The following MLXIP variants were observed in gnomAD, a reference collection of about 807,000 sequenced individuals.
MLXIP encodes MLX interacting protein, also known as MLX-interacting protein.
Under a neutral mutation model 87.2 loss-of-function variants are expected in MLXIP, and 30 were observed. The ratio of observed to expected loss-of-function variants is 0.34; its 90% CI spans 0.26 to 0.47. The LOEUF is 0.47. Ranked by LOEUF, MLXIP falls within the 20% of genes least tolerant of loss-of-function variation. MLXIP has a pLI of 1.00. For synonymous variants in MLXIP, 530 were observed against 514.0 expected (o/e 1.03, Z -0.42); for missense variants, 1,002 against 1,240.1 (o/e 0.81, Z 2.88).
At position 122,130,495 on chromosome 12, in the gene MLXIP, C is replaced by T. The variant is rs375606928; in HGVS notation, c.911-349C>T. Among the ~76,000 whole-genome samples the T allele has an allele frequency of 1.3e-4, 19 of 151,396 alleles. No individual in the cohort carries two copies. In the East Asian group the frequency reaches 2.9e-3, roughly 23 times the overall value. ...AATCAGAAGCACTCCCGGGTGTGAC[C>T]GCTCACCTTGGTGGCATTCAGTCTT... On this transcript the variant is annotated intron_variant, in intron 6 of 16. Transcript: ENST00000319080.
chr12:122,126,257 C>T (rs1952879315), intron 1 of MLXIP, among the ~76,000 whole-genome samples: 1 of 152,202 alleles, frequency 6.6e-6, no homozygotes, highest in Non-Finnish European at 1.5e-5. Flanking sequence ...AATTGAGCCC[C>T]TACTATGTGC....
Position 122,084,607 on chromosome 12 carries a change from C to T in MLXIP, c.413+5341C>T, listed in dbSNP as rs542581095. Among the ~76,000 whole-genome samples, 4 of 152,202 alleles carry T rather than the reference C, an allele frequency of 2.6e-5. No homozygotes were observed. The East Asian group carries it at 5.8e-4, about 22-fold the overall frequency. On this transcript the variant is annotated intron_variant, in intron 1 of 16. Coordinates refer to ENST00000319080, the MANE Select transcript of MLXIP (RefSeq NM_014938.6). ...TGTCACCCAGGCTGGAGTGCAGTGGCGTGATCTTGGCTCACTGCAACCTCT... is the reference window on the plus strand; with the variant it reads ...TGTCACCCAGGCTGGAGTGCAGTGGTGTGATCTTGGCTCACTGCAACCTCT...
chr12:122,135,924 C>T lies in MLXIP; in HGVS notation c.2032+258C>T. On this transcript the variant is annotated intron_variant, in intron 11 of 16. Transcript: ENST00000319080. This position sits in a 1 kb window ranked among gnomAD's most constrained non-coding sequence, Gnocchi z 5.3. Reference sequence around the variant, plus strand: ...GACCCGTGTGCTCGGGGAGTCCCTGCTGACTGCCCACGAAGGCCTGGTACT... The same window carrying T: ...GACCCGTGTGCTCGGGGAGTCCCTGTTGACTGCCCACGAAGGCCTGGTACT... The T allele has an allele frequency of 2.2e-6, 1 of 450,164 alleles. No homozygotes were observed. Among genetic ancestry groups the T allele is most frequent in the Non-Finnish European group, 3.9e-6 (1 of 255,322 alleles). The allele number at this position is 450,164 out of a possible 1,614,324, so 27.9% of individuals were successfully genotyped here.
Position 122,125,791 on chromosome 12 carries a change from G to C in MLXIP, c.414-1465G>C, listed in dbSNP as rs531687586. Among the ~76,000 whole-genome samples the C allele has an allele frequency of 4.6e-5, 7 of 152,310 alleles. No homozygotes were observed. In the South Asian group the frequency reaches 1.2e-3, roughly 27 times the overall value. Reference sequence around the variant, plus strand: ...AGGATGCACTGTGACATTTTTCTGGGGGAGTCATAACCTTCTGGCCTGTAT... The same window carrying C: ...AGGATGCACTGTGACATTTTTCTGGCGGAGTCATAACCTTCTGGCCTGTAT... On this transcript the variant is annotated intron_variant, in intron 1 of 16. Coordinates refer to ENST00000319080, the MANE Select transcript of MLXIP (RefSeq NM_014938.6).
In MLXIP at chr12:122,140,824, C is replaced by G. The variant is rs1188134329; in HGVS notation, c.2509-130C>G. The G allele has an allele frequency of 2.9e-6, 4 of 1,396,240 alleles. No individual in the cohort carries two copies. The Admixed American group carries it at 5.1e-5, about 18-fold the overall frequency. The allele number at this position is 1,396,240 out of a possible 1,614,324, so 86.5% of individuals were successfully genotyped here. A position where few individuals can be genotyped will look rare whatever the true frequency, so the allele number is the denominator to read the frequency against. On this transcript the variant is annotated intron_variant, in intron 15 of 16. Coordinates refer to ENST00000319080, the MANE Select transcript of MLXIP (RefSeq NM_014938.6). ...CCTAGAGATCTCTCCCTCTTTTCCCCAGTGATCCATTCTCTGTGGGCAGAT... is the reference window on the plus strand; with the variant it reads ...CCTAGAGATCTCTCCCTCTTTTCCCGAGTGATCCATTCTCTGTGGGCAGAT...
intron 4 of MLXIP, 159 bp from the exon 5 acceptor site, chr12:122,129,429 A>G (rs943722637): frequency 2.3e-5 from 10 of 432,512 alleles, no homozygotes; most frequent in African/African-American, 1.7e-4. Context: ...CAGTTTCCCC[A>G]TCTGTGCACT....
intron 1 of MLXIP, among the ~76,000 whole-genome samples, chr12:122,081,580 T>C (rs1952091542): frequency 6.6e-6 from 1 of 152,020 alleles, no homozygotes; most frequent in Admixed American, 6.6e-5. Flanking sequence ...CCCAGCACTT[T>C]GGGAGGCCGA....
At chr12:122,128,023 G>A (rs932106564) in intron 3 of MLXIP, 55 bp downstream of exon 3, 26 of 1,483,404 alleles carry the variant, frequency 1.8e-5, no homozygotes, top group Middle Eastern at 3.4e-4. Flanking sequence ...GCACCTCACC[G>A]GGAGTGGCTC....
intron 1 of MLXIP, among the ~76,000 whole-genome samples, chr12:122,114,226 T>TCTCA (rs2135946948): frequency 6.6e-6 from 1 of 152,006 alleles, no homozygotes; most frequent in East Asian, 1.9e-4. Flanking sequence ...CCTCAGGTGA[T>TCTCA]CCACCCACCT....
intron 1 of MLXIP, among the ~76,000 whole-genome samples, chr12:122,116,036 G>A (rs1400022133): frequency 6.9e-6 from 1 of 144,302 alleles, no homozygotes; most frequent in Non-Finnish European, 1.5e-5. Flanking sequence ...GGGTGACAGA[G>A]CGAGACTCCA....
rs184967719 is a variant in MLXIP, at chr12:122,092,518, G to A, written c.413+13252G>A. Among the ~76,000 whole-genome samples, 616 of 152,266 alleles carry A rather than the reference G, an allele frequency of 4.0e-3. 6 individuals are homozygous for A. The highest frequency in any genetic ancestry group is 0.014 in the African/African-American group (587 of 41,552). ...CTAAGACTGCCTGGTACACCCCAGA[G>A]GTATGCATGTGCCTAGGAGACGGTT... On this transcript the variant is annotated intron_variant, in intron 1 of 16. Coordinates refer to ENST00000319080, the MANE Select transcript of MLXIP (RefSeq NM_014938.6).
intron 1 of MLXIP, among the ~76,000 whole-genome samples, chr12:122,118,263 A>G (rs376144184): frequency 0.015 from 1,752 of 119,456 alleles, 30 homozygotes; most frequent in African/African-American, 0.049. Flanking sequence ...GGATTTATAG[A>G]TTGTTTATTT....
In MLXIP at chr12:122,141,693, G is replaced by A. The variant is rs201117568; in HGVS notation, c.2641G>A (p.Val881Ile). The A allele has an allele frequency of 6.2e-5, 100 of 1,613,662 alleles. No homozygotes were observed. Among genetic ancestry groups the A allele is most frequent in the Non-Finnish European group, 8.0e-5 (94 of 1,179,814 alleles). The change falls in exon 17 of 17, where the codon GTA becomes ATA. Residue 881 changes from valine (V) to isoleucine (I), a missense_variant and splice_region_variant. Val to Ile is a conservative substitution (Grantham distance 29). Transcript: ENST00000319080. ...GTCTGACCCTTTCTGTCTTGCAGTG[G>A]TATTGAGCACGCTGCGGCAGCTGAG... Reference protein sequence around the residue: ...HCSLPILRPMVLSTLRQLSTS... With the variant: ...HCSLPILRPMILSTLRQLSTS...
Position 122,143,558 on chromosome 12 carries a change from C to T in MLXIP, c.*1746C>T, listed in dbSNP as rs576311814. ...GAGCATGAAGGCATTGTCCCAAAGG[C>T]AGAGGCCACCGTGGTAGGAATTCCA... On this transcript the variant is annotated 3_prime_UTR_variant, in exon 17 of 17. Transcript: ENST00000319080. 1 of 152,418 alleles carries T rather than the reference C, an allele frequency of 6.6e-6. No individual in the cohort carries two copies. Among genetic ancestry groups the T allele is most frequent in the South Asian group, 2.1e-4 (1 of 4,828 alleles). 9.4% of individuals were successfully genotyped at this position (152,418 alleles called of 1,614,324 possible). A position where few individuals can be genotyped will look rare whatever the true frequency, so the allele number is the denominator to read the frequency against.
chr12:122,116,591 C>T (rs983420522), intron 1 of MLXIP, among the ~76,000 whole-genome samples: 1 of 152,228 alleles, frequency 6.6e-6, no homozygotes. Flanking sequence ...AAACCTAGGA[C>T]TCTGGCTTTA....
chr12:122,122,787 T>C (rs1952804984), intron 1 of MLXIP, among the ~76,000 whole-genome samples: 1 of 151,958 alleles, frequency 6.6e-6, no homozygotes, highest in East Asian at 1.9e-4. Context: ...GACCTCGTGA[T>C]ACACCCGCCT....
Position 122,141,919 on chromosome 12 carries a change from T to A in MLXIP, c.*107T>A, listed in dbSNP as rs1953213345. 1 of 1,506,570 alleles carries A rather than the reference T, an allele frequency of 6.6e-7. No homozygotes were observed. Among genetic ancestry groups the A allele is most frequent in the Non-Finnish European group, 8.9e-7 (1 of 1,121,278 alleles). The allele number at this position is 1,506,570 out of a possible 1,614,324, so 93.3% of individuals were successfully genotyped here. A position where few individuals can be genotyped will look rare whatever the true frequency, so the allele number is the denominator to read the frequency against. ...TCCTGACGCTCAGCCTCGGGGCCTC[T>A]CTCCAACTCTGCCGGCCCACCGTGG... is the stretch of plus-strand genomic sequence containing the variant. On this transcript the variant is annotated 3_prime_UTR_variant, in exon 17 of 17. Transcript: ENST00000319080.
chr12:122,110,040 C>T (rs1952580238), intron 1 of MLXIP, among the ~76,000 whole-genome samples: 1 of 152,062 alleles, frequency 6.6e-6, no homozygotes, highest in Admixed American at 6.6e-5. Context: ...TTCTTTAGGG[C>T]CAGGAACTCT....
At chr12:122,121,009 GGTTTT>G (rs1030879597) in intron 1 of MLXIP, among the ~76,000 whole-genome samples, 4 of 102,170 alleles carry the variant, frequency 3.9e-5, no homozygotes, top group East Asian at 3.2e-4. Context: ...CTGCATGCTT[GGTTTT>G]TTTTTTTTTT....
Sources: allele counts gnomAD v4.1 joint callset (sites outside exome capture counted in the v4.1 genomes callset), GRCh38; gene constraint gnomAD v4.1.1; non-coding constraint Gnocchi (gnomAD v3.1); transcripts MANE v1.5; gene names NCBI Gene and HGNC (gene_info 2026-07-23, HGNC 2026-07-21).